Variants in CHORDC1 observed in about 807,000 individuals in gnomAD.
CHORDC1 encodes the protein cysteine and histidine rich domain containing 1.
Under a neutral mutation model 48.3 loss-of-function variants are expected in CHORDC1, and 25 were observed. The ratio of observed to expected loss-of-function variants is 0.52; its 90% CI spans 0.38 to 0.72. The LOEUF (loss-of-function observed/expected upper bound fraction) is 0.72, where lower values mean the gene tolerates loss of function less well. CHORDC1 is among the 30% of genes least tolerant of loss of function. CHORDC1 has a pLI of 0.00. For synonymous variants in CHORDC1, 128 were observed against 126.4 expected, an observed-to-expected ratio of 1.01 and a Z score of -0.09; for missense variants, 317 against 388.7, an observed-to-expected ratio of 0.82 and a Z score of 1.55.
rs1461028230 is a variant in CHORDC1 at position 90,211,329 on chromosome 11, T to C, written c.330-11A>G. ...ATTGGTTCATCTGGGCTGGAGAATTTTGAAACCTTATTACCATTATTAATA... is the reference window on the plus strand; with the variant it reads ...ATTGGTTCATCTGGGCTGGAGAATTCTGAAACCTTATTACCATTATTAATA... On this transcript the variant is annotated splice_polypyrimidine_tract_variant and intron_variant, in intron 4 of 10. Transcript: ENST00000320585. 1.3e-6 allele frequency: 2 copies of C among 1,531,420 alleles called. No homozygotes were observed. The highest frequency in any genetic ancestry group is 1.8e-6 in the Non-Finnish European group (2 of 1,106,312). The allele number at this position is 1,531,420 out of a possible 1,614,324, so 94.9% of individuals were successfully genotyped here. A position where few individuals can be genotyped will look rare whatever the true frequency, so the allele number is the denominator to read the frequency against.
chr11:90,219,534 G>A (rs1336627619), intron 1 of CHORDC1, among the ~76,000 whole-genome samples: 2 of 152,172 alleles, frequency 1.3e-5, no homozygotes, highest in Admixed American at 6.5e-5. Flanking sequence ...ACCTGAATGA[G>A]GGCAAGGAAC....
intron 7 of CHORDC1, 192 bp downstream of exon 7, chr11:90,206,010 T>C: frequency 3.4e-6 from 2 of 587,240 alleles, no homozygotes; most frequent in Non-Finnish European, 6.2e-6. Context: ...AACTGTAACC[T>C]TGTTTCTGTT....
rs1858194296 is a variant in CHORDC1 at position 90,222,413 on chromosome 11, C to T, written c.64+478G>A. 5 of 339,192 alleles carry T rather than the reference C, an allele frequency of 1.5e-5. 1 individual carries two copies. The East Asian group carries it at 4.7e-4, about 32-fold the overall frequency. The allele number at this position is 339,192 out of a possible 1,614,324, so 21.0% of individuals were successfully genotyped here. On this transcript the variant is annotated intron_variant, in intron 1 of 10. Coordinates refer to ENST00000320585, the MANE Select transcript of CHORDC1 (RefSeq NM_012124.3). Reference sequence around the variant, plus strand: ...CGGATCGACTGAACACAAACTTCTACAAGGCAGAGCTTACATGCTAGGACA... The same window carrying T: ...CGGATCGACTGAACACAAACTTCTATAAGGCAGAGCTTACATGCTAGGACA...
chr11:90,222,761 C>T, intron 1 of CHORDC1, 130 bp downstream of exon 1: 1 of 855,526 alleles, frequency 1.2e-6, no homozygotes, highest in African/African-American at 1.7e-5. Flanking sequence ...CCAAGGGAGG[C>T]CCAGGAGGGG....
chr11:90,202,210 A>G lies in CHORDC1; in HGVS notation c.*195T>C. The G allele has an allele frequency of 1.7e-6, 1 of 578,882 alleles. No homozygotes were observed. The highest frequency in any genetic ancestry group is 2.2e-5 in the South Asian group (1 of 45,872). 35.9% of individuals were successfully genotyped at this position (578,882 alleles called of 1,614,324 possible). On this transcript the variant is annotated 3_prime_UTR_variant, in exon 11 of 11. Transcript: ENST00000320585. ...ACCAGTAGGGAGAAATGAATAATCA[A>G]TCTTACATAACACAAAAGAAAGATG... is the stretch of plus-strand genomic sequence containing the variant.
At position 90,214,190 on chromosome 11, in the gene CHORDC1, T is replaced by C; in HGVS notation, c.172-15A>G. 1 of 1,570,576 alleles carries C rather than the reference T, an allele frequency of 6.4e-7. No individual in the cohort carries two copies. The highest frequency in any genetic ancestry group is 8.6e-7 in the Non-Finnish European group (1 of 1,159,268). Reference sequence around the variant, plus strand: ...TTTGTACAGCCCTGTTAGTGAAAGATAATTCATTAAGAGCTATCTATTTTA... The same window carrying C: ...TTTGTACAGCCCTGTTAGTGAAAGACAATTCATTAAGAGCTATCTATTTTA... On this transcript the variant is annotated splice_polypyrimidine_tract_variant and intron_variant, in intron 3 of 10. Coordinates refer to ENST00000320585, the MANE Select transcript of CHORDC1 (RefSeq NM_012124.3).
At chr11:90,202,688 T>C (rs974600475) in intron 10 of CHORDC1, 125 bp downstream of exon 10, 1 of 1,384,726 alleles carries the variant, frequency 7.2e-7, no homozygotes, top group African/African-American at 1.5e-5. Context: ...TTAAACTTTT[T>C]GGTAGGATAC....
chr11:90,211,033 A>G, intron 5 of CHORDC1, 182 bp downstream of exon 5: 1 of 430,626 alleles, frequency 2.3e-6, no homozygotes, highest in South Asian at 4.0e-5. Flanking sequence ...GACATATGGA[A>G]TTAACCTATT....
Position 90,202,957 on chromosome 11 carries a change from G to C in CHORDC1, c.790-82C>G. On this transcript the variant is annotated intron_variant, in intron 9 of 10. Coordinates refer to ENST00000320585, the MANE Select transcript of CHORDC1 (RefSeq NM_012124.3). ...AAACACTGATTATAAAAATAAGACT[G>C]ACAAAAATGAATTAAGCTATTTTAA... 2.8e-6 allele frequency: 4 copies of C among 1,427,184 alleles called. No individual in the cohort carries two copies. The South Asian group carries it at 5.7e-5, about 21-fold the overall frequency. The allele number at this position is 1,427,184 out of a possible 1,614,324, so 88.4% of individuals were successfully genotyped here. A position where few individuals can be genotyped will look rare whatever the true frequency, so the allele number is the denominator to read the frequency against.
chr11:90,221,526 T>C lies in CHORDC1; in HGVS notation c.64+1365A>G, dbSNP rs1038571208. On this transcript the variant is annotated intron_variant, in intron 1 of 10. Coordinates refer to ENST00000320585, the MANE Select transcript of CHORDC1 (RefSeq NM_012124.3). ...AAATGACTATCGCCCCTGAACTTTATTGTCTCATAAGCAAAGCGTCAGTCT... is the reference window on the plus strand; with the variant it reads ...AAATGACTATCGCCCCTGAACTTTACTGTCTCATAAGCAAAGCGTCAGTCT... 1.1e-4 allele frequency among the ~76,000 whole-genome samples: 16 copies of C among 152,166 alleles called. 1 individual carries two copies. The highest frequency in any genetic ancestry group is 9.2e-4 in the Admixed American group (14 of 15,286).
At chr11:90,222,546 C>T in intron 1 of CHORDC1, 1 of 506,882 alleles carries the variant, frequency 2.0e-6, no homozygotes, top group Non-Finnish European at 3.7e-6. Context: ...ATTTTTGCTT[C>T]CCCAGAGACT....
intron 1 of CHORDC1, among the ~76,000 whole-genome samples, chr11:90,219,934 A>C (rs567530880): frequency 6.6e-6 from 1 of 152,366 alleles, no homozygotes; most frequent in East Asian, 1.9e-4. Context: ...AAGTCTATTT[A>C]GCTTTCAATG....
chr11:90,206,974 G>A, intron 6 of CHORDC1: 1 of 342,554 alleles, frequency 2.9e-6, no homozygotes, highest in Non-Finnish European at 5.7e-6. Flanking sequence ...TTCTCCTTAA[G>A]ATATTTCACA....
At chr11:90,207,315 A>G (rs1394036237) in intron 6 of CHORDC1, 2 of 154,300 alleles carry the variant, frequency 1.3e-5, no homozygotes, top group African/African-American at 2.4e-5. Flanking sequence ...CCTTTTGTTT[A>G]AAGTTCTTTA....
intron 1 of CHORDC1, 125 bp downstream of exon 1, chr11:90,222,766 G>A (rs1447628437): frequency 3.4e-6 from 3 of 870,438 alleles, no homozygotes; most frequent in African/African-American, 3.3e-5. Flanking sequence ...GGAGGCCCAG[G>A]AGGGGCATGG....
chr11:90,202,361 T>C lies in CHORDC1; in HGVS notation c.*44A>G. The C allele has an allele frequency of 6.3e-7, 1 of 1,584,584 alleles. No homozygotes were observed. Among genetic ancestry groups the C allele is most frequent in the African/African-American group, 1.3e-5 (1 of 74,350 alleles). On this transcript the variant is annotated 3_prime_UTR_variant, in exon 11 of 11. Coordinates refer to ENST00000320585, the MANE Select transcript of CHORDC1 (RefSeq NM_012124.3). ...AGCAAGCCACCACTTCACACAGTAT[T>C]AAAAATTCGGAAATAATGTAATAGC...
intron 1 of CHORDC1, 41 bp downstream of exon 1, chr11:90,222,850 G>A (rs751604444): frequency 1.3e-6 from 2 of 1,569,338 alleles, no homozygotes; most frequent in South Asian, 2.2e-5. Context: ...CCCTGCTGAT[G>A]AGGTGGAGGG....
intron 1 of CHORDC1, among the ~76,000 whole-genome samples, chr11:90,220,028 T>C (rs1022701015): frequency 1.3e-5 from 2 of 152,230 alleles, no homozygotes; most frequent in African/African-American, 4.8e-5. Flanking sequence ...TCTTAAAACA[T>C]TATGAATTTT....
intron 2 of CHORDC1, chr11:90,216,434 C>A (rs1858013712): frequency 1.2e-5 from 3 of 257,706 alleles, no homozygotes; most frequent in East Asian, 1.4e-4. Context: ...AATAGTATTT[C>A]TTTTGTCAAT....
Sources: allele counts gnomAD v4.1 joint callset (sites outside exome capture counted in the v4.1 genomes callset), GRCh38; gene constraint gnomAD v4.1.1; transcripts MANE v1.5; gene names NCBI Gene and HGNC (gene_info 2026-07-23, HGNC 2026-07-21).